PPA2: variants seen among roughly 807,000 people sequenced by gnomAD.
PPA2 encodes inorganic pyrophosphatase 2.
Under a neutral mutation model 49.5 loss-of-function variants are expected in PPA2, and 48 were observed. The observed-to-expected ratio is 0.97, with a 90% CI of 0.77 to 1.23. The LOEUF is 1.23. Among genes scored for constraint, PPA2 ranks in the 50% most tolerant of loss-of-function variants. The pLI, the probability that PPA2 is intolerant of heterozygous loss-of-function variation, is 0.00. For synonymous variants in PPA2, 131 were observed against 139.9 expected, an observed-to-expected ratio of 0.94 and a Z score of 0.45; for missense variants, 429 against 410.1, an observed-to-expected ratio of 1.05 and a Z score of -0.40.
At chr4:105,399,190 T>A (rs142753426) in intron 7 of PPA2, 26 bp from the exon 8 acceptor site, 24 of 1,577,080 alleles carry the variant, frequency 1.5e-5, no homozygotes, top group Non-Finnish European at 2.0e-5. Context: ...CAAAAAGATG[T>A]TTTGTTAAGA....
chr4:105,416,540 A>C lies in PPA2; in HGVS notation c.655+7656T>G, dbSNP rs142535594. 4.9e-3 allele frequency among the ~76,000 whole-genome samples: 751 copies of C among 152,324 alleles called. 9 individuals are homozygous for C. Among genetic ancestry groups the C allele is most frequent in the African/African-American group, 0.017 (708 of 41,592 alleles). ...CTCCCACAGAACTAAACATGTGCAC[A>C]ACTAGTACCCTCTAAAGAAACTCTG... is the stretch of plus-strand genomic sequence containing the variant. On this transcript the variant is annotated intron_variant, in intron 7 of 11. Coordinates refer to ENST00000341695, the MANE Select transcript of PPA2 (RefSeq NM_176869.3).
chr4:105,413,317 TG>T lies in PPA2; in HGVS notation c.655+10878del, dbSNP rs1722847855. Among the ~76,000 whole-genome samples the T allele has an allele frequency of 2.3e-5, 3 of 130,634 alleles. No individual in the cohort carries two copies. The South Asian group carries it at 7.4e-4, about 32-fold the overall frequency. 85.7% of individuals were successfully genotyped at this position (130,634 alleles called of 152,430 possible). A position where few individuals can be genotyped will look rare whatever the true frequency, so the allele number is the denominator to read the frequency against. ...GGGAGCATCACACACCAGGGCCTGT[TG>T]GGGGGTGGGGGACTGGGGGAGGGAT... is the stretch of plus-strand genomic sequence containing the variant. On this transcript the variant is annotated intron_variant, in intron 7 of 11. Transcript: ENST00000341695.
At chr4:105,379,613 G>A (rs530021155) in intron 10 of PPA2, among the ~76,000 whole-genome samples, 21 of 146,552 alleles carry the variant, frequency 1.4e-4, no homozygotes, top group Admixed American at 9.7e-4. Flanking sequence ...TCAGGCACCC[G>A]CCACCACGCC....
intron 5 of PPA2, among the ~76,000 whole-genome samples, chr4:105,443,122 T>C (rs948899698): frequency 7.9e-5 from 12 of 151,970 alleles, no homozygotes; most frequent in African/African-American, 2.2e-4. Context: ...GCAGGTGTTA[T>C]AGAAAAGGGA....
chr4:105,422,702 C>A (rs1374465737), intron 7 of PPA2, among the ~76,000 whole-genome samples: 2 of 152,152 alleles, frequency 1.3e-5, no homozygotes, highest in Non-Finnish European at 2.9e-5. Flanking sequence ...CAAAGGTGGG[C>A]AAGTCACTTA....
chr4:105,417,282 C>G (rs1723055366), intron 7 of PPA2, among the ~76,000 whole-genome samples: 1 of 152,108 alleles, frequency 6.6e-6, no homozygotes, highest in African/African-American at 2.4e-5. Context: ...TCCCACAGCA[C>G]TAACTTTGAA....
chr4:105,401,638 G>GC (rs1722197490), intron 7 of PPA2, among the ~76,000 whole-genome samples: 1 of 152,060 alleles, frequency 6.6e-6, no homozygotes, highest in Non-Finnish European at 1.5e-5. Flanking sequence ...ATTCCCACTT[G>GC]TGGAATTAAT....
At chr4:105,420,022 G>A (rs1049284112) in intron 7 of PPA2, among the ~76,000 whole-genome samples, 1 of 151,706 alleles carries the variant, frequency 6.6e-6, no homozygotes, top group Admixed American at 6.6e-5. Context: ...GCCTAGGCTG[G>A]AGTGCAATGG....
chr4:105,424,437 A>G (rs1723397126), intron 6 of PPA2, 115 bp from the exon 7 acceptor site: 8 of 903,472 alleles, frequency 8.9e-6, no homozygotes, highest in Non-Finnish European at 1.2e-5. Context: ...CAAAGCCTCA[A>G]TAATTAAAAA....
chr4:105,409,039 T>C (rs535512431), intron 7 of PPA2, among the ~76,000 whole-genome samples: 9 of 152,272 alleles, frequency 5.9e-5, no homozygotes, highest in South Asian at 2.1e-4. Flanking sequence ...GTTCATCTCA[T>C]TGGGACTGGT....
chr4:105,470,439 T>C (rs1458883802), intron 1 of PPA2, among the ~76,000 whole-genome samples: 3 of 152,182 alleles, frequency 2.0e-5, no homozygotes, highest in Admixed American at 6.5e-5. Context: ...TGAGTCGTGA[T>C]TGCACACTGT....
At chr4:105,369,856 A>G (rs558848692) in intron 11 of PPA2, 103 bp from the exon 12 acceptor site, 7 of 1,038,560 alleles carry the variant, frequency 6.7e-6, no homozygotes, top group Non-Finnish European at 9.0e-6. Context: ...GTATTTAGGC[A>G]GATACAAACA....
intron 3 of PPA2, 38 bp from the exon 4 acceptor site, chr4:105,449,441 AT>A: frequency 1.5e-6 from 2 of 1,374,862 alleles, no homozygotes; most frequent in Non-Finnish European, 2.0e-6. Flanking sequence ...AACATTAAAA[AT>A]TTTACCTTTT....
intron 3 of PPA2, 80 bp from the exon 4 acceptor site, chr4:105,449,483 C>A: frequency 1.2e-6 from 1 of 811,746 alleles, no homozygotes; most frequent in East Asian, 2.8e-5. Flanking sequence ...TATAAGAATA[C>A]CTTAGATGTT....
intron 1 of PPA2, among the ~76,000 whole-genome samples, chr4:105,466,922 C>A (rs768860631): frequency 1.3e-5 from 2 of 152,186 alleles, no homozygotes; most frequent in African/African-American, 2.4e-5. Context: ...AGGTCACATA[C>A]CAAACTCTGC....
At chr4:105,448,041 C>T (rs895157382) in intron 4 of PPA2, 6 of 383,498 alleles carry the variant, frequency 1.6e-5, no homozygotes, top group East Asian at 1.0e-4. Context: ...CCACTGCACT[C>T]GGCCTCAAAG....
In PPA2 at chr4:105,434,507, A is replaced by C. The variant is rs115586606; in HGVS notation, c.528+3443T>G. Among the ~76,000 whole-genome samples the C allele has an allele frequency of 1.4e-3, 213 of 152,272 alleles. 3 individuals are homozygous for C. Among genetic ancestry groups the C allele is most frequent in the Non-Finnish European group, 2.3e-3 (156 of 68,020 alleles). On this transcript the variant is annotated intron_variant, in intron 6 of 11. Transcript: ENST00000341695. ...AGCATCTAGTAGGAAAAGGCAAAGG[A>C]TGCTGCAGAAGACAGTCCTCTCTCA...
intron 1 of PPA2, among the ~76,000 whole-genome samples, chr4:105,458,667 CA>C (rs1415020817): frequency 2.0e-5 from 3 of 151,562 alleles, no homozygotes; most frequent in African/African-American, 7.3e-5. Context: ...ACTAAAAATA[CA>C]AAAATTAGCT....
chr4:105,440,880 G>A (rs1204661452), intron 5 of PPA2, among the ~76,000 whole-genome samples: 1 of 150,008 alleles, frequency 6.7e-6, no homozygotes, highest in African/African-American at 2.4e-5. Flanking sequence ...CTACAATATT[G>A]TTATGTTTAG....
Sources: allele counts gnomAD v4.1 joint callset (sites outside exome capture counted in the v4.1 genomes callset), GRCh38; gene constraint gnomAD v4.1.1; transcripts MANE v1.5; gene names NCBI Gene and HGNC (gene_info 2026-07-23, HGNC 2026-07-21).